Variants in ABI3BP observed in about 807,000 individuals in gnomAD.
ABI3BP encodes target of Nesh-SH3.
In ABI3BP, 216 loss-of-function variants were observed where a neutral mutation model predicts 268.6. The ratio of observed to expected loss-of-function variants is 0.80; its 90% CI spans 0.72 to 0.90. The LOEUF is 0.90. ABI3BP is among the 40% of genes least tolerant of loss of function. ABI3BP has a pLI of 0.00. For synonymous variants in ABI3BP, 730 were observed against 730.0 expected (o/e 1.00, Z 0.00); for missense variants, 2,090 against 2,182.4 (o/e 0.96, Z 0.84).
At chr3:100,950,345 C>T (rs924098121) in intron 1 of ABI3BP, among the ~76,000 whole-genome samples, 2 of 152,042 alleles carry the variant, frequency 1.3e-5, no homozygotes, top group Non-Finnish European at 2.9e-5. Context: ...TGAGTCTCTT[C>T]AAAAAAACTG....
chr3:100,934,440 CAT>C (rs1183531002), intron 1 of ABI3BP, among the ~76,000 whole-genome samples: 2 of 151,572 alleles, frequency 1.3e-5, no homozygotes, highest in Non-Finnish European at 3.0e-5. Flanking sequence ...CCACAATAAA[CAT>C]ATGTGTGTAT....
intron 5 of ABI3BP, 56 bp from the exon 6 acceptor site, chr3:100,885,644 C>A (rs572134827): frequency 9.3e-7 from 1 of 1,078,216 alleles, no homozygotes; most frequent in Non-Finnish European, 1.4e-6. Context: ...CCTAAATCAA[C>A]TCTAGCTAAT....
chr3:100,770,970 C>T lies in ABI3BP; in HGVS notation c.4532-18G>A, dbSNP rs552611530. 4.5e-5 allele frequency: 67 copies of T among 1,490,274 alleles called. No individual in the cohort carries two copies. The highest frequency in any genetic ancestry group is 5.8e-5 in the Non-Finnish European group (65 of 1,113,096). The allele number at this position is 1,490,274 out of a possible 1,614,324, so 92.3% of individuals were successfully genotyped here. A position where few individuals can be genotyped will look rare whatever the true frequency, so the allele number is the denominator to read the frequency against. On this transcript the variant is annotated intron_variant, in intron 61 of 67. Coordinates refer to ENST00000471714, the MANE Select transcript of ABI3BP (RefSeq NM_001375547.2). ...ATGAGGTCCTACGAGAGAGAGGACC[C>T]TTGACATTTAACATTTTTGAAACTC...
intron 1 of ABI3BP, among the ~76,000 whole-genome samples, chr3:100,969,040 A>T (rs1365545324): frequency 3.3e-5 from 5 of 152,198 alleles, no homozygotes; most frequent in Non-Finnish European, 7.3e-5. Flanking sequence ...TTCACCAATA[A>T]GGTCAGTATT....
intron 4 of ABI3BP, among the ~76,000 whole-genome samples, chr3:100,897,744 A>G (rs1453924154): frequency 6.6e-6 from 1 of 152,196 alleles, no homozygotes; most frequent in Non-Finnish European, 1.5e-5. Context: ...CAAACTGTAC[A>G]CTAATATTTA....
rs2149155693 is a variant in ABI3BP, at chr3:100,750,419, T to C, written c.*76A>G. ...TTTTATACATAGTAAACAAAATAGC[T>C]TTAAATGAATGCGGCATAGTATTTT... On this transcript the variant is annotated 3_prime_UTR_variant, in exon 68 of 68. Coordinates refer to ENST00000471714, the MANE Select transcript of ABI3BP (RefSeq NM_001375547.2). 3.4e-6 allele frequency: 4 copies of C among 1,159,962 alleles called. No individual in the cohort carries two copies. Among genetic ancestry groups the C allele is most frequent in the Non-Finnish European group, 5.1e-6 (4 of 789,296 alleles). The allele number at this position is 1,159,962 out of a possible 1,614,324, so 71.9% of individuals were successfully genotyped here. A position where few individuals can be genotyped will look rare whatever the true frequency, so the allele number is the denominator to read the frequency against.
At chr3:100,890,973 A>C (rs2044353434) in intron 4 of ABI3BP, among the ~76,000 whole-genome samples, 1 of 137,876 alleles carries the variant, frequency 7.3e-6, no homozygotes, top group Non-Finnish European at 1.6e-5. Flanking sequence ...GATAATTTTC[A>C]AACTGGTCAA....
At chr3:100,759,213 G>A (rs1386038919) in intron 63 of ABI3BP, among the ~76,000 whole-genome samples, 1 of 152,080 alleles carries the variant, frequency 6.6e-6, no homozygotes, top group African/African-American at 2.4e-5. Context: ...GTGTAGTCGT[G>A]AAATATTTGA....
chr3:100,777,021 G>T (rs529914513), intron 59 of ABI3BP, among the ~76,000 whole-genome samples: 49 of 152,276 alleles, frequency 3.2e-4, no homozygotes, highest in African/African-American at 1.1e-3. Flanking sequence ...TCCTAGCAAG[G>T]CCATGTCACT....
intron 1 of ABI3BP, among the ~76,000 whole-genome samples, chr3:100,959,439 G>A (rs1374137181): frequency 6.0e-5 from 8 of 134,258 alleles, no homozygotes; most frequent in African/African-American, 5.7e-5. Flanking sequence ...GCAGTGAGCC[G>A]AGATCGCGCC....
intron 2 of ABI3BP, among the ~76,000 whole-genome samples, chr3:100,912,423 T>C (rs2057059274): frequency 6.6e-6 from 1 of 152,092 alleles, no homozygotes; most frequent in African/African-American, 2.4e-5. Flanking sequence ...TTCTTAGTTT[T>C]ATATAAAATA....
intron 28 of ABI3BP, 79 bp from the exon 29 acceptor site, chr3:100,834,852 T>G: frequency 7.5e-7 from 1 of 1,342,176 alleles, no homozygotes; most frequent in Non-Finnish European, 1.0e-6. Flanking sequence ...CTAGGTTTTC[T>G]AAAGTTTTCC....
intron 1 of ABI3BP, among the ~76,000 whole-genome samples, chr3:100,992,170 C>T (rs1158929562): frequency 1.3e-5 from 2 of 152,040 alleles, no homozygotes; most frequent in African/African-American, 4.8e-5. Context: ...AGAAAGTTTA[C>T]TTAGTCTTTT....
chr3:100,862,449 G>T, intron 13 of ABI3BP, 64 bp from the exon 14 acceptor site: 1 of 1,121,324 alleles, frequency 8.9e-7, no homozygotes, highest in South Asian at 1.5e-5. Flanking sequence ...GAACGAGACA[G>T]AAATAGGTTG....
chr3:100,924,671 T>C (rs879076228), intron 2 of ABI3BP, among the ~76,000 whole-genome samples: 1 of 152,140 alleles, frequency 6.6e-6, no homozygotes, highest in Non-Finnish European at 1.5e-5. Flanking sequence ...AATAAAAGTG[T>C]CCCTAGTCCA....
chr3:100,864,256 T>G, intron 11 of ABI3BP, 180 bp from the exon 12 acceptor site: 1 of 598,502 alleles, frequency 1.7e-6, no homozygotes. Flanking sequence ...AAGGTGTACA[T>G]TCAAAGGGCA....
At chr3:100,789,792 A>G (rs2097150383) in intron 55 of ABI3BP, among the ~76,000 whole-genome samples, 1 of 152,072 alleles carries the variant, frequency 6.6e-6, no homozygotes, top group Non-Finnish European at 1.5e-5. Context: ...TTTCAAGAGC[A>G]TTCATTTTAC....
intron 27 of ABI3BP, among the ~76,000 whole-genome samples, chr3:100,836,226 TAAG>T (rs892503752): frequency 3.0e-4 from 46 of 152,282 alleles, no homozygotes; most frequent in African/African-American, 1.1e-3. Context: ...CAGAGATAAT[TAAG>T]AAGAAGGTCT....
chr3:100,920,623 A>G (rs2059941530), intron 2 of ABI3BP, among the ~76,000 whole-genome samples: 1 of 151,918 alleles, frequency 6.6e-6, no homozygotes, highest in Non-Finnish European at 1.5e-5. Context: ...GGGTTTTACT[A>G]TCTTGGACAG....
Sources: allele counts gnomAD v4.1 joint callset (sites outside exome capture counted in the v4.1 genomes callset), GRCh38; gene constraint gnomAD v4.1.1; transcripts MANE v1.5; gene names NCBI Gene and HGNC (gene_info 2026-07-23, HGNC 2026-07-21).